Variants in ARHGAP6 observed in about 807,000 individuals in gnomAD.
ARHGAP6 encodes the protein Rho GTPase activating protein 6.
ARHGAP6 carries 16 observed loss-of-function variants against 55.7 expected under a neutral mutation model. That is an observed-to-expected ratio of 0.29 (90% CI 0.19 to 0.44). The LOEUF (loss-of-function observed/expected upper bound fraction) is 0.44. Among genes scored for constraint, ARHGAP6 ranks in the 20% least tolerant of loss-of-function variants. ARHGAP6 has a pLI of 1.00. For synonymous variants in ARHGAP6, 382 were observed against 360.9 expected (o/e 1.06, Z -0.66); for missense variants, 698 against 808.9 (o/e 0.86, Z 1.66).
intron 1 of ARHGAP6, among the ~76,000 whole-genome samples, chrX:11,277,201 T>G (rs1347606010): frequency 2.7e-5 from 3 of 112,134 alleles, no homozygotes. Flanking sequence ...TTGTAGCATG[T>G]GTCATTACTT....
intron 1 of ARHGAP6, among the ~76,000 whole-genome samples, chrX:11,505,757 A>G (rs993212719): frequency 2.7e-5 from 3 of 111,505 alleles, no homozygotes; most frequent in Non-Finnish European, 5.6e-5. Flanking sequence ...CGGGACATGG[A>G]TGAAGCTGGA....
chrX:11,311,804 CA>C (rs1183163627), intron 1 of ARHGAP6, among the ~76,000 whole-genome samples: 1 of 110,770 alleles, frequency 9.0e-6, no homozygotes, highest in African/African-American at 3.3e-5. Context: ...TAATAGATGT[CA>C]AAAAATAAAA....
chrX:11,269,281 C>T (rs1273531543), intron 1 of ARHGAP6, among the ~76,000 whole-genome samples: 2 of 111,626 alleles, frequency 1.8e-5, no homozygotes, highest in Non-Finnish European at 3.8e-5. Flanking sequence ...TGACTCATTT[C>T]GTCCCTTCCT....
At chrX:11,411,447 A>G (rs2049687099) in intron 1 of ARHGAP6, among the ~76,000 whole-genome samples, 1 of 107,347 alleles carries the variant, frequency 9.3e-6, no homozygotes, top group Non-Finnish European at 1.9e-5. Flanking sequence ...CATAACTATT[A>G]ATTCAGTTTT....
intron 1 of ARHGAP6, among the ~76,000 whole-genome samples, chrX:11,497,957 G>T (rs56729597): frequency 0.089 from 9,862 of 110,365 alleles, 515 homozygotes; most frequent in East Asian, 0.18. Context: ...TCTTTATCTT[G>T]CAATCAGAAT....
intron 2 of ARHGAP6, among the ~76,000 whole-genome samples, chrX:11,220,975 T>C (rs1306660441): frequency 1.1e-4 from 12 of 110,753 alleles, no homozygotes; most frequent in African/African-American, 3.9e-4. Context: ...AAGGCAGGTG[T>C]TGCAATCCTA....
chrX:11,578,756 A>T (rs2051631182), intron 1 of ARHGAP6, among the ~76,000 whole-genome samples: 1 of 111,708 alleles, frequency 9.0e-6, no homozygotes, highest in Non-Finnish European at 1.9e-5. Flanking sequence ...CACTATTCAC[A>T]ATAGGAAAGA....
At chrX:11,257,229 CTG>C (rs1465706274) in intron 1 of ARHGAP6, among the ~76,000 whole-genome samples, 1 of 111,992 alleles carries the variant, frequency 8.9e-6, no homozygotes, top group Non-Finnish European at 1.9e-5. Flanking sequence ...CGGGAGCTGA[CTG>C]TTATTTGAAG....
chrX:11,203,798 A>T (rs1280267423), intron 2 of ARHGAP6, among the ~76,000 whole-genome samples: 2 of 110,806 alleles, frequency 1.8e-5, no homozygotes, highest in African/African-American at 6.6e-5. Context: ...TTAGACCCTC[A>T]CTCCTACATA....
intron 1 of ARHGAP6, 137 bp downstream of exon 1, chrX:11,664,104 A>G: frequency 1.7e-6 from 1 of 603,396 alleles, no homozygotes; most frequent in Non-Finnish European, 2.5e-6. Flanking sequence ...TTTAGCAAGT[A>G]GAAGAGGAAA....
chrX:11,162,076 T>C, intron 9 of ARHGAP6, among the ~76,000 whole-genome samples: 1 of 111,716 alleles, frequency 9.0e-6, no homozygotes, highest in Non-Finnish European at 1.9e-5. Flanking sequence ...TTTGTAGTTT[T>C]CTTTCAGCTA....
rs1013176183 is a variant in ARHGAP6, at chrX:11,626,059, G to GT, written c.588+38181dup. ...AAAATATATGTAAAAGCAAAAGCTA[G>GT]TTTTTTTACTGACAAACTAGTAAAA... On this transcript the variant is annotated intron_variant, in intron 1 of 12. Coordinates refer to ENST00000337414, the MANE Select transcript of ARHGAP6 (RefSeq NM_013427.3). 6.3e-5 allele frequency among the ~76,000 whole-genome samples: 7 copies of GT among 111,812 alleles called. 1 individual carries two copies. Among genetic ancestry groups the GT allele is most frequent in the Admixed American group, 2.8e-4 (3 of 10,556 alleles).
chrX:11,368,805 A>G (rs2049112493), intron 1 of ARHGAP6, among the ~76,000 whole-genome samples: 1 of 112,172 alleles, frequency 8.9e-6, no homozygotes, highest in Non-Finnish European at 1.9e-5. Flanking sequence ...CTTGATAAAT[A>G]TTTGTGGAAT....
chrX:11,599,504 T>A (rs1009460016), intron 1 of ARHGAP6, among the ~76,000 whole-genome samples: 2 of 111,785 alleles, frequency 1.8e-5, no homozygotes, highest in Non-Finnish European at 3.8e-5. Flanking sequence ...TCTCCATGTG[T>A]TTTTGGACAT....
intron 1 of ARHGAP6, among the ~76,000 whole-genome samples, chrX:11,481,244 T>C (rs1311614778): frequency 3.6e-5 from 4 of 111,765 alleles, no homozygotes; most frequent in African/African-American, 1.3e-4. Flanking sequence ...CCTCCGTGGC[T>C]GTATTACTCA....
At chrX:11,574,636 A>T (rs2051574127) in intron 1 of ARHGAP6, among the ~76,000 whole-genome samples, 1 of 110,600 alleles carries the variant, frequency 9.0e-6, no homozygotes, top group Non-Finnish European at 1.9e-5. Context: ...ATGGGCAAAA[A>T]CTGGAAGCAT....
At chrX:11,573,643 G>A in intron 1 of ARHGAP6, among the ~76,000 whole-genome samples, 1 of 110,612 alleles carries the variant, frequency 9.0e-6, no homozygotes, top group South Asian at 3.9e-4. Flanking sequence ...TTGTTCTTTT[G>A]GCTTAGGATT....
At chrX:11,151,220 C>G (rs2045771154) in intron 10 of ARHGAP6, among the ~76,000 whole-genome samples, 1 of 110,474 alleles carries the variant, frequency 9.1e-6, no homozygotes, top group South Asian at 3.8e-4. Context: ...AGTAAACATA[C>G]CTGACAAGTA....
intron 1 of ARHGAP6, among the ~76,000 whole-genome samples, chrX:11,269,011 C>T (rs1448790667): frequency 2.7e-5 from 3 of 111,735 alleles, no homozygotes; most frequent in Non-Finnish European, 5.6e-5. Flanking sequence ...GCCCACCCTA[C>T]CTCCAGCTGA....
Sources: allele counts gnomAD v4.1 joint callset (sites outside exome capture counted in the v4.1 genomes callset), GRCh38; gene constraint gnomAD v4.1.1; transcripts MANE v1.5; gene names NCBI Gene and HGNC (gene_info 2026-07-23, HGNC 2026-07-21).